The following ANKS1B variants were observed in gnomAD, a reference collection of about 807,000 sequenced individuals.
ANKS1B encodes the protein ankyrin repeat and sterile alpha motif domain-containing protein 1B.
ANKS1B carries 36 observed loss-of-function variants against 148.3 expected under a neutral mutation model. The ratio of observed to expected loss-of-function variants is 0.24; its 90% confidence interval spans 0.19 to 0.32. ANKS1B has a LOEUF of 0.32. Among genes scored for constraint, ANKS1B ranks in the 10% least tolerant of loss-of-function variants. ANKS1B has a pLI of 1.00. For synonymous variants in ANKS1B, 542 were observed against 560.8 expected (o/e 0.97, Z 0.47); for missense variants, 1,157 against 1,542.6 (o/e 0.75, Z 4.19).
chr12:99,085,138 G>C (rs2051195406), intron 15 of ANKS1B, 115 bp from the exon 16 acceptor site: 1 of 819,318 alleles, frequency 1.2e-6, no homozygotes, highest in Non-Finnish European at 2.0e-6. Context: ...TATGAACAAA[G>C]ACATAGAGTC....
chr12:99,388,153 G>T (rs947879473), intron 12 of ANKS1B, among the ~76,000 whole-genome samples: 1 of 152,118 alleles, frequency 6.6e-6, no homozygotes, highest in Non-Finnish European at 1.5e-5. Flanking sequence ...AATAAAAAAA[G>T]AACTCTGTTA....
At chr12:99,605,265 A>G (rs549353470) in intron 9 of ANKS1B, among the ~76,000 whole-genome samples, 11 of 152,126 alleles carry the variant, frequency 7.2e-5, no homozygotes, top group African/African-American at 9.7e-5. Context: ...TATACAATGC[A>G]ACATAATCAA....
chr12:98,789,326 G>A (rs1027717221), intron 22 of ANKS1B, among the ~76,000 whole-genome samples: 2 of 152,040 alleles, frequency 1.3e-5, no homozygotes, highest in African/African-American at 4.8e-5. Context: ...CTGGGCGACA[G>A]AGAGACTCAA....
chr12:99,726,705 A>G (rs1734696781), intron 8 of ANKS1B, among the ~76,000 whole-genome samples: 1 of 152,224 alleles, frequency 6.6e-6, no homozygotes, highest in South Asian at 2.1e-4. Context: ...ATTTCAGGCC[A>G]ATATCCCTGA....
chr12:99,052,439 G>C (rs970405307), intron 17 of ANKS1B, among the ~76,000 whole-genome samples: 2 of 152,012 alleles, frequency 1.3e-5, no homozygotes, highest in Non-Finnish European at 2.9e-5. Context: ...AAGAAATAGA[G>C]ACAAGGGGCC....
At chr12:99,977,548 C>A (rs2095644490) in intron 1 of ANKS1B, among the ~76,000 whole-genome samples, 1 of 152,154 alleles carries the variant, frequency 6.6e-6, no homozygotes, top group African/African-American at 2.4e-5. Context: ...AAAATTTATC[C>A]TTTGGTCATA....
chr12:99,959,615 G>A lies in ANKS1B; in HGVS notation c.134+24489C>T, dbSNP rs181147526. 1.6e-3 allele frequency among the ~76,000 whole-genome samples: 247 copies of A among 152,074 alleles called. 4 individuals carry two copies. The highest frequency in any genetic ancestry group is 1.8e-3 in the Non-Finnish European group (122 of 68,002). On this transcript the variant is annotated intron_variant, in intron 1 of 26. Transcript: ENST00000683438. ...TAAGCAGTCTGCTTGCTAATATAAG[G>A]ACATTTTCCTTACCTATAAGAGTAA...
chr12:99,871,310 T>C (rs575845679), intron 1 of ANKS1B, among the ~76,000 whole-genome samples: 1 of 152,330 alleles, frequency 6.6e-6, no homozygotes, highest in African/African-American at 2.4e-5. Context: ...TTGGTTACCG[T>C]AGACTTATGG....
intron 10 of ANKS1B, among the ~76,000 whole-genome samples, chr12:99,495,901 C>T (rs1257614696): frequency 1.3e-5 from 2 of 152,216 alleles, no homozygotes; most frequent in Non-Finnish European, 2.9e-5. Context: ...GAATCACCCT[C>T]ACACTCCTAC....
intron 17 of ANKS1B, among the ~76,000 whole-genome samples, chr12:98,869,014 G>T (rs1164615747): frequency 6.6e-6 from 1 of 152,114 alleles, no homozygotes; most frequent in Non-Finnish European, 1.5e-5. Flanking sequence ...GTATCCAAGG[G>T]CACAAGATGA....
At chr12:99,427,398 T>G (rs999140163) in intron 11 of ANKS1B, among the ~76,000 whole-genome samples, 22 of 152,202 alleles carry the variant, frequency 1.4e-4, no homozygotes, top group African/African-American at 5.3e-4. Flanking sequence ...GTCTTTGTAT[T>G]GCTATTTCAT....
chr12:99,417,294 C>T (rs1443587738), intron 11 of ANKS1B, among the ~76,000 whole-genome samples: 2 of 152,218 alleles, frequency 1.3e-5, no homozygotes, highest in Non-Finnish European at 2.9e-5. Flanking sequence ...ACTGCTCCAG[C>T]ACCAGGCTAT....
At chr12:99,923,556 T>TA (rs2094415830) in intron 1 of ANKS1B, among the ~76,000 whole-genome samples, 1 of 151,778 alleles carries the variant, frequency 6.6e-6, no homozygotes, top group Non-Finnish European at 1.5e-5. Flanking sequence ...ATCCAGGAGG[T>TA]AAAAGGGATA....
chr12:99,280,310 C>T (rs1164901803), intron 12 of ANKS1B, among the ~76,000 whole-genome samples: 1 of 152,070 alleles, frequency 6.6e-6, no homozygotes, highest in South Asian at 2.1e-4. Context: ...TTTGGCAGGG[C>T]CTGCCAGTGC....
chr12:98,816,469 T>C (rs1337518150), intron 19 of ANKS1B, among the ~76,000 whole-genome samples: 2 of 152,128 alleles, frequency 1.3e-5, no homozygotes, highest in Non-Finnish European at 2.9e-5. Flanking sequence ...CTAATTTTTG[T>C]ATTTTTAGTA....
At chr12:99,229,145 A>AT (rs977028618) in intron 14 of ANKS1B, among the ~76,000 whole-genome samples, 6 of 151,484 alleles carry the variant, frequency 4.0e-5, no homozygotes, top group Non-Finnish European at 7.4e-5. Flanking sequence ...GTCCTTTCAG[A>AT]TTTTTTTTGC....
intron 9 of ANKS1B, among the ~76,000 whole-genome samples, chr12:99,646,228 G>A (rs900750561): frequency 6.6e-6 from 1 of 152,038 alleles, no homozygotes; most frequent in Non-Finnish European, 1.5e-5. Flanking sequence ...AAAGACTTTA[G>A]GAAGGGCAGT....
downstream of ANKS1B, among the ~76,000 whole-genome samples, chr12:98,743,486 C>T (rs997362887): frequency 2.0e-5 from 3 of 152,132 alleles, no homozygotes; most frequent in African/African-American, 7.2e-5. Context: ...TCAATTTTCC[C>T]CTTGAAGAAA....
At chr12:99,924,208 G>A (rs2094432765) in intron 1 of ANKS1B, among the ~76,000 whole-genome samples, 1 of 152,114 alleles carries the variant, frequency 6.6e-6, no homozygotes, top group South Asian at 2.1e-4. Flanking sequence ...GCCTTTTACA[G>A]AGACAGTGAA....
Sources: gnomAD v4.1 joint callset for allele counts (sites outside exome capture counted in the v4.1 genomes callset) on GRCh38, gnomAD v4.1.1 for gene constraint, MANE v1.5 for transcripts, NCBI Gene and HGNC (gene_info 2026-07-23, HGNC 2026-07-21) for gene names.